CFAP58: variants seen among roughly 807,000 people sequenced by gnomAD.
The protein encoded by CFAP58 is cilia and flagella associated protein 58.
Under a neutral mutation model 119.5 loss-of-function variants are expected in CFAP58, and 88 were observed. That is an observed-to-expected ratio of 0.74 (90% CI 0.62 to 0.88). The LOEUF (loss-of-function observed/expected upper bound fraction) is 0.88. CFAP58 is among the 40% of genes least tolerant of loss of function. The pLI is 0.00. For synonymous variants in CFAP58, 365 were observed against 366.3 expected (o/e 1.00, Z 0.04); for missense variants, 990 against 1,021.2 (o/e 0.97, Z 0.42).
At chr10:104,367,442 T>G (rs183889472) in intron 5 of CFAP58, among the ~76,000 whole-genome samples, 7 of 152,208 alleles carry the variant, frequency 4.6e-5, no homozygotes, top group African/African-American at 1.2e-4. Context: ...ACTTTTTTTT[T>G]GTCCGTTGCT....
At position 104,454,582 on chromosome 10, in the gene CFAP58, G is replaced by A; in HGVS notation, c.*52G>A. On this transcript the variant is annotated 3_prime_UTR_variant, in exon 18 of 18. Coordinates refer to ENST00000369704, the MANE Select transcript of CFAP58 (RefSeq NM_001008723.2). ...GAACAACTCATGAAATCTGCTCTGGGACATTTTGGGGGAATCTCAAAGTCC... is the reference window on the plus strand; with the variant it reads ...GAACAACTCATGAAATCTGCTCTGGAACATTTTGGGGGAATCTCAAAGTCC... The A allele has an allele frequency of 7.5e-7, 1 of 1,337,380 alleles. No individual in the cohort carries two copies. The highest frequency in any genetic ancestry group is 1.2e-5 in the South Asian group (1 of 85,222). 82.8% of individuals were successfully genotyped at this position (1,337,380 alleles called of 1,614,324 possible).
chr10:104,353,703 C>G (rs1030400429), upstream of CFAP58: 1 of 562,382 alleles, frequency 1.8e-6, no homozygotes, highest in African/African-American at 1.9e-5. Flanking sequence ...GAAGCTCCTC[C>G]CCTTTCGAAT....
intron 6 of CFAP58, among the ~76,000 whole-genome samples, chr10:104,369,997 T>G (rs908790593): frequency 5.3e-5 from 8 of 152,228 alleles, no homozygotes; most frequent in Admixed American, 2.0e-4. Context: ...AGACTGCCTA[T>G]TCATACTATG....
At chr10:104,341,024 G>C in the CFAP58 span, among the ~76,000 whole-genome samples, 14 of 152,132 alleles carry the variant, frequency 9.2e-5, no homozygotes, top group Non-Finnish European at 1.6e-4. Context: ...ACTATGCATA[G>C]GTGTGAGCTC....
At chr10:104,368,653 T>G in intron 6 of CFAP58, 93 bp downstream of exon 6, 2 of 1,342,638 alleles carry the variant, frequency 1.5e-6, no homozygotes, top group Non-Finnish European at 2.1e-6. Context: ...GAGCCTGTGT[T>G]GGCTCTACTG....
At chr10:104,356,073 T>C (rs929265231) in intron 1 of CFAP58, among the ~76,000 whole-genome samples, 6 of 152,252 alleles carry the variant, frequency 3.9e-5, no homozygotes, top group African/African-American at 1.4e-4. Context: ...TTCCTTAATA[T>C]GGTTTTTCCT....
chr10:104,380,189 AC>A lies in CFAP58; in HGVS notation c.1335del (p.Tyr445Ter). The A allele has an allele frequency of 6.2e-7, 1 of 1,614,046 alleles. No individual in the cohort carries two copies. The highest frequency in any genetic ancestry group is 1.7e-5 in the Admixed American group (1 of 60,016). On this transcript the variant is annotated frameshift_variant, in exon 9 of 18. Coordinates refer to ENST00000369704, the MANE Select transcript of CFAP58 (RefSeq NM_001008723.2). LOFTEE classifies it high-confidence loss of function. The stretch of plus-strand genomic sequence containing the variant: ...CATCTGGAAAAGGAGCGTGACCGGT[AC>A]ATCAACCAAGCCAGTGACCTTACGC... ...IFHLEKERDR[Y>X]INQASDLTQK...
At chr10:104,423,784 T>G (rs2012698788) in intron 15 of CFAP58, among the ~76,000 whole-genome samples, 1 of 152,232 alleles carries the variant, frequency 6.6e-6, no homozygotes, top group African/African-American at 2.4e-5. Context: ...TGAGGATTTA[T>G]TTGTGAAATT....
chr10:104,365,570 A>C (rs1445674127), intron 4 of CFAP58, among the ~76,000 whole-genome samples: 2 of 152,040 alleles, frequency 1.3e-5, no homozygotes, highest in Non-Finnish European at 2.9e-5. Flanking sequence ...TTTATACCAC[A>C]CTTTGTGGAT....
chr10:104,438,214 T>C (rs962206976), intron 15 of CFAP58, among the ~76,000 whole-genome samples: 1 of 152,188 alleles, frequency 6.6e-6, no homozygotes, highest in Non-Finnish European at 1.5e-5. Flanking sequence ...ACACATTATC[T>C]CATAACTTCA....
In CFAP58 at chr10:104,453,750, A is replaced by C. The variant is rs374803217; in HGVS notation, c.2511-672A>C. On this transcript the variant is annotated intron_variant, in intron 17 of 17. Coordinates refer to ENST00000369704, the MANE Select transcript of CFAP58 (RefSeq NM_001008723.2). ...TAGATCTAGGTTACTTCTGCAGGAA[A>C]CATGAATATGAGTGTGTGTGTGTGT... Among the ~76,000 whole-genome samples the C allele has an allele frequency of 9.7e-4, 95 of 97,928 alleles. 1 individual carries two copies. Among genetic ancestry groups the C allele is most frequent in the African/African-American group, 3.6e-3 (92 of 25,402 alleles). 64.2% of individuals were successfully genotyped at this position (97,928 alleles called of 152,430 possible). A position where few individuals can be genotyped will look rare whatever the true frequency, so the allele number is the denominator to read the frequency against.
the CFAP58 span, among the ~76,000 whole-genome samples, chr10:104,348,277 A>G: frequency 6.6e-6 from 1 of 152,226 alleles, no homozygotes; most frequent in African/African-American, 2.4e-5. Flanking sequence ...GCTTTGCATT[A>G]CAGGCTAGGA....
chr10:104,393,421 T>C lies in CFAP58; in HGVS notation c.1620T>C (p.Leu540=). Residue 540 remains leucine, a synonymous_variant, in exon 11 of 18, where the codon CTT becomes CTC. Coordinates refer to ENST00000369704, the MANE Select transcript of CFAP58 (RefSeq NM_001008723.2). ...ACATCTCTGCCAAAGAGTCCGCACTTGTGAAGCTGCACCTGGAACAGCAGC... is the reference window on the plus strand; with the variant it reads ...ACATCTCTGCCAAAGAGTCCGCACTCGTGAAGCTGCACCTGGAACAGCAGC... ...KEDISAKESA[L]VKLHLEQQRI... is the part of the protein sequence containing the mutation. 6.2e-7 allele frequency: 1 copy of C among 1,614,018 alleles called. No homozygotes were observed. The highest frequency in any genetic ancestry group is 8.5e-7 in the Non-Finnish European group (1 of 1,179,930).
intron 15 of CFAP58, among the ~76,000 whole-genome samples, chr10:104,433,838 A>AT (rs1564903359): frequency 6.6e-6 from 1 of 152,178 alleles, no homozygotes; most frequent in Non-Finnish European, 1.5e-5. Context: ...GCTACATTGC[A>AT]TTTTTTAACA....
At chr10:104,363,424 C>T (rs1178423047) in intron 3 of CFAP58, among the ~76,000 whole-genome samples, 2 of 152,140 alleles carry the variant, frequency 1.3e-5, no homozygotes, top group African/African-American at 2.4e-5. Context: ...CCAACACTGA[C>T]AGATAGTTCT....
intron 15 of CFAP58, among the ~76,000 whole-genome samples, chr10:104,412,868 C>T (rs1038873183): frequency 1.3e-5 from 2 of 152,198 alleles, no homozygotes; most frequent in Non-Finnish European, 2.9e-5. Context: ...CTGGGCAACT[C>T]CTGCCTACCC....
At chr10:104,429,058 A>G (rs2012800128) in intron 15 of CFAP58, among the ~76,000 whole-genome samples, 2 of 152,230 alleles carry the variant, frequency 1.3e-5, no homozygotes, top group African/African-American at 4.8e-5. Context: ...TAGCAGCTCC[A>G]TTCTGTACAG....
chr10:104,440,189 G>C (rs948783383), intron 15 of CFAP58, among the ~76,000 whole-genome samples: 2 of 152,028 alleles, frequency 1.3e-5, no homozygotes, highest in Non-Finnish European at 2.9e-5. Flanking sequence ...GCATGCTAAC[G>C]TCTCCAGAGA....
At position 104,382,823 on chromosome 10, in the gene CFAP58, C is replaced by T. The variant is rs527387986; in HGVS notation, c.1365+2603C>T. Among the ~76,000 whole-genome samples, 16 of 152,292 alleles carry T rather than the reference C, an allele frequency of 1.1e-4. 1 individual carries two copies. The highest frequency in any genetic ancestry group is 3.6e-4 in the African/African-American group (15 of 41,566). On this transcript the variant is annotated intron_variant, in intron 9 of 17. Transcript: ENST00000369704. ...AGTTTCCTGAGGCTTCCCCAGCCAG[C>T]GGAACTGGGAGTCAATTAAACCTCT...
Sources: allele counts gnomAD v4.1 joint callset (sites outside exome capture counted in the v4.1 genomes callset), GRCh38; gene constraint gnomAD v4.1.1; transcripts MANE v1.5; gene names NCBI Gene and HGNC (gene_info 2026-07-23, HGNC 2026-07-21).